BRINP1: variants seen among roughly 807,000 people sequenced by gnomAD.
BRINP1 encodes BMP/retinoic acid inducible neural specific 1.
Under a neutral mutation model 72.9 loss-of-function variants are expected in BRINP1, and 17 were observed. The ratio of observed to expected loss-of-function variants is 0.23; its 90% CI spans 0.16 to 0.35. BRINP1 has a LOEUF of 0.35. Ranked by LOEUF, BRINP1 falls within the 10% of genes least tolerant of loss-of-function variation. BRINP1 has a pLI of 1.00. For synonymous variants in BRINP1, 418 were observed against 378.5 expected, an observed-to-expected ratio of 1.10 and a Z score of -1.21; for missense variants, 850 against 1,001.6, an observed-to-expected ratio of 0.85 and a Z score of 2.04.
chr9:119,291,037 C>T (rs559147010), intron 2 of BRINP1, among the ~76,000 whole-genome samples: 3 of 151,008 alleles, frequency 2.0e-5, no homozygotes, highest in African/African-American at 4.9e-5. Flanking sequence ...GCAGGAGAAG[C>T]GCTTGAACCT....
intron 6 of BRINP1, among the ~76,000 whole-genome samples, chr9:119,209,270 T>C (rs1829893667): frequency 6.6e-6 from 1 of 152,200 alleles, no homozygotes; most frequent in East Asian, 1.9e-4. Context: ...TCATTGTTTT[T>C]CACTTAAAAA....
rs549997236 is a variant in BRINP1 at position 119,187,523 on chromosome 9, C to G, written c.1146-19299G>C. On this transcript the variant is annotated intron_variant, in intron 7 of 7. Transcript: ENST00000265922. ...GCCCACCCAGAACCAGAATTAAGCACCTTACCCAACTGACACCATAGGACA... is the reference window on the plus strand; with the variant it reads ...GCCCACCCAGAACCAGAATTAAGCAGCTTACCCAACTGACACCATAGGACA... Among the ~76,000 whole-genome samples the G allele has an allele frequency of 9.5e-4, 145 of 151,892 alleles. 3 individuals are homozygous for G. The highest frequency in any genetic ancestry group is 2.0e-4 in the Admixed American group (3 of 15,264).
intron 2 of BRINP1, among the ~76,000 whole-genome samples, chr9:119,295,868 G>C (rs4472587): frequency 0.47 from 71,486 of 151,988 alleles, 17,608 homozygotes; most frequent in African/African-American, 0.61. Flanking sequence ...CTTTATCTCA[G>C]ACCATATACA....
At chr9:119,283,873 G>T (rs1336615872) in intron 2 of BRINP1, among the ~76,000 whole-genome samples, 1 of 152,088 alleles carries the variant, frequency 6.6e-6, no homozygotes, top group Non-Finnish European at 1.5e-5. Context: ...ACCGTCACCT[G>T]ATGCTATCAT....
chr9:119,224,163 C>A (rs1830068182), intron 5 of BRINP1, among the ~76,000 whole-genome samples: 1 of 151,926 alleles, frequency 6.6e-6, no homozygotes, highest in African/African-American at 2.4e-5. Flanking sequence ...CCTCATGGGG[C>A]TCTAGTTTGG....
intron 7 of BRINP1, among the ~76,000 whole-genome samples, chr9:119,181,899 A>T (rs187648908): frequency 8.5e-5 from 13 of 152,344 alleles, no homozygotes; most frequent in African/African-American, 3.1e-4. Flanking sequence ...AGAATGGAAT[A>T]ATAATACAAT....
chr9:119,268,738 T>G (rs1830579006), intron 2 of BRINP1, among the ~76,000 whole-genome samples: 1 of 152,198 alleles, frequency 6.6e-6, no homozygotes, highest in Admixed American at 6.5e-5. Flanking sequence ...GACAAGGACA[T>G]TGTCTTATTT....
chr9:119,347,642 A>G (rs1363965195), intron 1 of BRINP1, among the ~76,000 whole-genome samples: 1 of 151,866 alleles, frequency 6.6e-6, no homozygotes, highest in Non-Finnish European at 1.5e-5. Context: ...CTCACTGTCC[A>G]CCCGCTTCCC....
intron 1 of BRINP1, among the ~76,000 whole-genome samples, chr9:119,358,021 A>G (rs1306919144): frequency 6.6e-6 from 1 of 152,208 alleles, no homozygotes; most frequent in African/African-American, 2.4e-5. Context: ...CACTTATTGT[A>G]TATCTTGGGG....
chr9:119,222,735 G>T (rs952240408), intron 5 of BRINP1, among the ~76,000 whole-genome samples: 9 of 151,978 alleles, frequency 5.9e-5, no homozygotes, highest in Admixed American at 2.6e-4. Flanking sequence ...GATTAGAGGG[G>T]TTGGGCCAGA....
chr9:119,362,368 G>A (rs1831643991), intron 1 of BRINP1, among the ~76,000 whole-genome samples: 1 of 152,020 alleles, frequency 6.6e-6, no homozygotes, highest in South Asian at 2.1e-4. Context: ...GTTCACTGTC[G>A]ACATCCTCCT....
At chr9:119,322,937 C>T (rs1486433461) in intron 1 of BRINP1, among the ~76,000 whole-genome samples, 1 of 152,142 alleles carries the variant, frequency 6.6e-6, no homozygotes, top group Non-Finnish European at 1.5e-5. Context: ...TTCAACTGAA[C>T]CCCAAAACTA....
rs386416080 is a variant in BRINP1, at chr9:119,263,601, C to CTTTTTTTTT, written c.219-14460_219-14452dup. ...CTTATAAAATACCCAGTAAACAATT[C>CTTTTTTTTT]TTTTTTTTTTTTTTTTTTTTTTTTG... On this transcript the variant is annotated intron_variant, in intron 2 of 7. Coordinates refer to ENST00000265922, the MANE Select transcript of BRINP1 (RefSeq NM_014618.3). Among the ~76,000 whole-genome samples, 146 of 78,562 alleles carry CTTTTTTTTT rather than the reference C, an allele frequency of 1.9e-3. 14 individuals are homozygous for CTTTTTTTTT. The highest frequency in any genetic ancestry group is 3.6e-3 in the East Asian group (8 of 2,238). 51.5% of individuals were successfully genotyped at this position (78,562 alleles called of 152,430 possible). A position where few individuals can be genotyped will look rare whatever the true frequency, so the allele number is the denominator to read the frequency against.
At chr9:119,247,657 CAAAAAAAAAAAAAAAAAA>C (rs3983912) in intron 3 of BRINP1, among the ~76,000 whole-genome samples, 1 of 73,018 alleles carries the variant, frequency 1.4e-5, no homozygotes, top group East Asian at 4.3e-4. Context: ...GACTCCGTCT[CAAAAAAAAAAAAAAAAAA>C]AAAAAAAAAG....
chr9:119,358,667 G>A (rs575620288), intron 1 of BRINP1, among the ~76,000 whole-genome samples: 3 of 152,254 alleles, frequency 2.0e-5, no homozygotes, highest in South Asian at 2.1e-4. Flanking sequence ...GCACTCCAGC[G>A]TGGGCGACAG....
chr9:119,255,782 C>A (rs112093053), intron 2 of BRINP1, among the ~76,000 whole-genome samples: 2 of 151,680 alleles, frequency 1.3e-5, no homozygotes, highest in African/African-American at 4.8e-5. Context: ...AGTGAAACCC[C>A]ATCTCTACTA....
Position 119,167,043 on chromosome 9 carries a change from G to A in BRINP1, c.*41C>T. The A allele has an allele frequency of 6.5e-7, 1 of 1,536,482 alleles. No individual in the cohort carries two copies. The highest frequency in any genetic ancestry group is 8.8e-7 in the Non-Finnish European group (1 of 1,134,832). On this transcript the variant is annotated 3_prime_UTR_variant, in exon 8 of 8. Coordinates refer to ENST00000265922, the MANE Select transcript of BRINP1 (RefSeq NM_014618.3). This position sits in a 1 kb window ranked among gnomAD's most constrained non-coding sequence, Gnocchi z 4.3. ...TTTGCTTCATTTTGTTCTGTTGTGT[G>A]TGTACAACAACAGGAAAAGTCCATG...
At chr9:119,199,020 G>C in intron 7 of BRINP1, among the ~76,000 whole-genome samples, 1 of 152,110 alleles carries the variant, frequency 6.6e-6, no homozygotes, top group Admixed American at 6.6e-5. Flanking sequence ...AAGTTATGAA[G>C]AATTTTCCCA....
intron 6 of BRINP1, among the ~76,000 whole-genome samples, chr9:119,212,261 T>G (rs958091105): frequency 2.6e-5 from 4 of 152,230 alleles, no homozygotes; most frequent in Non-Finnish European, 4.4e-5. Flanking sequence ...GGCTTAGAGT[T>G]CACAGAAACC....
Sources: gnomAD v4.1 joint callset for allele counts (sites outside exome capture counted in the v4.1 genomes callset) on GRCh38, gnomAD v4.1.1 for gene constraint, Gnocchi (gnomAD v3.1) non-coding constraint, MANE v1.5 for transcripts, NCBI Gene and HGNC (gene_info 2026-07-23, HGNC 2026-07-21) for gene names.